GRIK1: variants seen among roughly 807,000 people sequenced by gnomAD.
GRIK1 encodes glutamate receptor ionotropic, kainate 1.
In GRIK1, 69 loss-of-function variants were observed where a neutral mutation model predicts 105.7. That is an observed-to-expected ratio of 0.65 (90% CI 0.54 to 0.80). GRIK1 has a LOEUF of 0.80. GRIK1 is among the 30% of genes least tolerant of loss of function. The pLI, the probability that GRIK1 is intolerant of heterozygous loss-of-function variation, is 0.00. For missense variants in GRIK1, 1,109 were observed against 1,167.3 expected, an observed-to-expected ratio of 0.95 and a Z score of 0.73; for synonymous variants, 438 against 431.3, an observed-to-expected ratio of 1.02 and a Z score of -0.19.
intron 1 of GRIK1, among the ~76,000 whole-genome samples, chr21:29,734,965 C>T (rs1390608545): frequency 6.6e-6 from 1 of 152,124 alleles, no homozygotes; most frequent in African/African-American, 2.4e-5. Flanking sequence ...GCCTGCTCTC[C>T]AACCTAATGT....
chr21:29,775,682 A>G (rs1601664048), intron 1 of GRIK1, among the ~76,000 whole-genome samples: 1 of 152,282 alleles, frequency 6.6e-6, no homozygotes, highest in Middle Eastern at 3.4e-3. Flanking sequence ...TGCTGTTACC[A>G]TGGTGATCAG....
intron 1 of GRIK1, among the ~76,000 whole-genome samples, chr21:29,937,631 T>C (rs771510498): frequency 2.0e-5 from 3 of 152,166 alleles, no homozygotes; most frequent in Non-Finnish European, 4.4e-5. Context: ...TGCTACCTTA[T>C]ATTTGTTATA....
chr21:29,786,233 C>T (rs1216839843), intron 1 of GRIK1, among the ~76,000 whole-genome samples: 4 of 152,330 alleles, frequency 2.6e-5, no homozygotes, highest in East Asian at 1.9e-4. Context: ...GTGATCCGCC[C>T]GCCTCAGCCT....
Position 29,876,112 on chromosome 21 carries a change from A to ATGTGTGTGTGTGTG in GRIK1, c.118+63257_118+63270dup, listed in dbSNP as rs1555903193. On this transcript the variant is annotated intron_variant, in intron 1 of 17. Coordinates refer to ENST00000327783, the MANE Select transcript of GRIK1 (RefSeq NM_001330994.2). ...ACAATCCCAAGGGGAGGAGATAGAT[A>ATGTGTGTGTGTGTG]TGTGTGTGTGTGTGTGTGTGTGTGT... is the stretch of plus-strand genomic sequence containing the variant. 5.7e-3 allele frequency among the ~76,000 whole-genome samples: 854 copies of ATGTGTGTGTGTGTG among 149,072 alleles called. 8 individuals are homozygous for ATGTGTGTGTGTGTG. The highest frequency in any genetic ancestry group is 0.02 in the African/African-American group (797 of 40,252).
chr21:29,801,406 G>T (rs2066707980), intron 1 of GRIK1, among the ~76,000 whole-genome samples: 1 of 152,038 alleles, frequency 6.6e-6, no homozygotes, highest in Non-Finnish European at 1.5e-5. Context: ...CTATTGATCA[G>T]GGGCTTAAAT....
chr21:29,889,631 A>T (rs1353864113), intron 1 of GRIK1, among the ~76,000 whole-genome samples: 1 of 152,120 alleles, frequency 6.6e-6, no homozygotes, highest in African/African-American at 2.4e-5. Flanking sequence ...AATCTTTGTA[A>T]CATACATTAC....
At chr21:29,820,085 G>A (rs375133472) in intron 1 of GRIK1, among the ~76,000 whole-genome samples, 15 of 152,136 alleles carry the variant, frequency 9.9e-5, no homozygotes, top group African/African-American at 3.1e-4. Flanking sequence ...CTGCCATACA[G>A]AGTGCTTGCC....
intron 7 of GRIK1, among the ~76,000 whole-genome samples, chr21:29,602,470 C>T (rs940342289): frequency 1.3e-5 from 2 of 152,132 alleles, no homozygotes; most frequent in Non-Finnish European, 2.9e-5. Flanking sequence ...TAGGAACAAA[C>T]ACATTAACGG....
chr21:29,834,443 A>T (rs2145976511), intron 1 of GRIK1, among the ~76,000 whole-genome samples: 1 of 151,244 alleles, frequency 6.6e-6, no homozygotes, highest in Non-Finnish European at 1.5e-5. Context: ...CCATCAGTGA[A>T]AATATACTAG....
rs549913025 is a variant in GRIK1, at chr21:29,852,172, T to G, written c.118+87211A>C. Reference sequence around the variant, plus strand: ...CTTGAAGGATTTTCCTTAATGCTGCTTTGTCACTTCTTTCTTCCTTCTACC... The same window carrying G: ...CTTGAAGGATTTTCCTTAATGCTGCGTTGTCACTTCTTTCTTCCTTCTACC... On this transcript the variant is annotated intron_variant, in intron 1 of 17. Coordinates refer to ENST00000327783, the MANE Select transcript of GRIK1 (RefSeq NM_001330994.2). Among the ~76,000 whole-genome samples, 3 of 152,336 alleles carry G rather than the reference T, an allele frequency of 2.0e-5. No individual in the cohort carries two copies. The South Asian group carries it at 6.2e-4, about 32-fold the overall frequency.
chr21:29,627,423 G>T (rs2062156810), intron 7 of GRIK1, among the ~76,000 whole-genome samples: 1 of 152,200 alleles, frequency 6.6e-6, no homozygotes, highest in South Asian at 2.1e-4. Flanking sequence ...ATCAGGATCT[G>T]CTTTCTGCTG....
intron 1 of GRIK1, among the ~76,000 whole-genome samples, chr21:29,805,317 C>T (rs1727493842): frequency 2.0e-5 from 3 of 152,104 alleles, no homozygotes; most frequent in African/African-American, 4.8e-5. Context: ...ACAGGTTCAG[C>T]AGGAAGCTGA....
At chr21:29,869,563 C>CA (rs1420850908) in intron 1 of GRIK1, among the ~76,000 whole-genome samples, 2 of 152,190 alleles carry the variant, frequency 1.3e-5, no homozygotes, top group Non-Finnish European at 1.5e-5. Context: ...AAAATTAAAA[C>CA]AGAGTCTTTT....
intron 1 of GRIK1, among the ~76,000 whole-genome samples, chr21:29,876,711 T>C (rs1019991688): frequency 4.6e-5 from 7 of 152,182 alleles, no homozygotes; most frequent in African/African-American, 1.7e-4. Flanking sequence ...GGACTCAGAT[T>C]TGGAAAGTCT....
chr21:29,906,598 T>C (rs2070649355), intron 1 of GRIK1, among the ~76,000 whole-genome samples: 1 of 152,160 alleles, frequency 6.6e-6, no homozygotes, highest in Non-Finnish European at 1.5e-5. Context: ...TAGCTTTTGG[T>C]TTATAGGCTG....
At chr21:29,907,968 T>G (rs1024976121) in intron 1 of GRIK1, among the ~76,000 whole-genome samples, 2 of 152,158 alleles carry the variant, frequency 1.3e-5, no homozygotes, top group African/African-American at 4.8e-5. Flanking sequence ...TATTCATTTT[T>G]AAAAATATCT....
At position 29,817,171 on chromosome 21, in the gene GRIK1, G is replaced by A. The variant is rs77531885; in HGVS notation, c.118+122212C>T. Among the ~76,000 whole-genome samples, 332 of 152,202 alleles carry A rather than the reference G, an allele frequency of 2.2e-3. 3 individuals are homozygous for A. Among genetic ancestry groups the A allele is most frequent in the African/African-American group, 7.8e-3 (324 of 41,538 alleles). On this transcript the variant is annotated intron_variant, in intron 1 of 17. Coordinates refer to ENST00000327783, the MANE Select transcript of GRIK1 (RefSeq NM_001330994.2). ...GGAAGGGCACAGGAGCCAACTTAAAGCAACTCTATCTGGTCAGATTTGGTA... is the reference window on the plus strand; with the variant it reads ...GGAAGGGCACAGGAGCCAACTTAAAACAACTCTATCTGGTCAGATTTGGTA...
At chr21:29,737,596 T>C (rs1295756890) in intron 1 of GRIK1, among the ~76,000 whole-genome samples, 2 of 152,234 alleles carry the variant, frequency 1.3e-5, no homozygotes, top group Non-Finnish European at 2.9e-5. Context: ...AATGTTTTAG[T>C]TGGGTTTTTA....
chr21:29,713,831 T>A (rs1278911341), intron 1 of GRIK1, among the ~76,000 whole-genome samples: 1 of 152,144 alleles, frequency 6.6e-6, no homozygotes, highest in East Asian at 1.9e-4. Context: ...TCCTCTGCCA[T>A]TTGTTTTTTT....
Sources: gnomAD v4.1 joint callset for allele counts (sites outside exome capture counted in the v4.1 genomes callset) on GRCh38, gnomAD v4.1.1 for gene constraint, MANE v1.5 for transcripts, NCBI Gene and HGNC (gene_info 2026-07-23, HGNC 2026-07-21) for gene names.